The following IL1RAPL2 variants were observed in gnomAD, a reference collection of about 807,000 sequenced individuals.
IL1RAPL2 encodes the protein interleukin 1 receptor accessory protein like 2, also known as X-linked interleukin-1 receptor accessory protein-like 2.
Under a neutral mutation model 44.1 loss-of-function variants are expected in IL1RAPL2, and 3 were observed. The ratio of observed to expected loss-of-function variants is 0.07; its 90% confidence interval spans 0.03 to 0.18. The LOEUF (loss-of-function observed/expected upper bound fraction) is 0.18. Ranked by LOEUF, IL1RAPL2 falls within the 10% of genes least tolerant of loss-of-function variation. The pLI, the probability that IL1RAPL2 is intolerant of heterozygous loss-of-function variation, is 1.00. For missense variants in IL1RAPL2, 391 were observed against 496.4 expected (o/e 0.79, Z 2.02); for synonymous variants, 181 against 178.8 (o/e 1.01, Z -0.10).
At chrX:105,073,861 A>G (rs1291709602) in intron 2 of IL1RAPL2, among the ~76,000 whole-genome samples, 4 of 111,236 alleles carry the variant, frequency 3.6e-5, no homozygotes, top group Admixed American at 9.6e-5. Flanking sequence ...GTCTGTTCAT[A>G]TCCTTTGCCC....
At chrX:105,065,297 G>A (rs1347079576) in intron 2 of IL1RAPL2, among the ~76,000 whole-genome samples, 1 of 111,662 alleles carries the variant, frequency 9.0e-6, no homozygotes, top group East Asian at 2.8e-4. Context: ...TCTTGGATGG[G>A]TTTTGCTGAC....
At chrX:105,241,606 A>T (rs2034171156) in intron 4 of IL1RAPL2, among the ~76,000 whole-genome samples, 1 of 111,920 alleles carries the variant, frequency 8.9e-6, no homozygotes, top group African/African-American at 3.2e-5. Context: ...GATTCACATA[A>T]ATCTTTTATA....
At chrX:104,587,958 T>A (rs894722309) in intron 1 of IL1RAPL2, among the ~76,000 whole-genome samples, 1 of 111,830 alleles carries the variant, frequency 8.9e-6, no homozygotes, top group Non-Finnish European at 1.9e-5. Flanking sequence ...ATGGGCCTGG[T>A]GATTTTTTTT....
chrX:105,277,143 C>T (rs1445982291), intron 5 of IL1RAPL2, among the ~76,000 whole-genome samples: 1 of 112,014 alleles, frequency 8.9e-6, no homozygotes, highest in Non-Finnish European at 1.9e-5. Context: ...GGGAACAAAT[C>T]ATTGGCATAT....
intron 10 of IL1RAPL2, among the ~76,000 whole-genome samples, chrX:105,764,069 G>A (rs1339718441): frequency 9.0e-6 from 1 of 111,211 alleles, no homozygotes; most frequent in Non-Finnish European, 1.9e-5. Flanking sequence ...TTATCTGGAT[G>A]GTTGCCTCAA....
chrX:105,648,394 T>C (rs765462149), intron 6 of IL1RAPL2, among the ~76,000 whole-genome samples: 5 of 111,495 alleles, frequency 4.5e-5, no homozygotes, highest in African/African-American at 1.6e-4. Context: ...TTTCTGCAGG[T>C]TGTCTCAGGC....
At chrX:105,492,920 C>T (rs760106241) in intron 6 of IL1RAPL2, among the ~76,000 whole-genome samples, 4 of 110,857 alleles carry the variant, frequency 3.6e-5, no homozygotes, top group Non-Finnish European at 5.7e-5. Flanking sequence ...GACAGTCACT[C>T]CTCAGTCCCT....
At chrX:105,019,753 A>G (rs2031251780) in intron 2 of IL1RAPL2, among the ~76,000 whole-genome samples, 1 of 111,616 alleles carries the variant, frequency 9.0e-6, no homozygotes, top group Non-Finnish European at 1.9e-5. Context: ...TCAACTGTTC[A>G]TTTTTAACTA....
At chrX:105,620,319 A>G (rs190632534) in intron 6 of IL1RAPL2, among the ~76,000 whole-genome samples, 4 of 111,167 alleles carry the variant, frequency 3.6e-5, no homozygotes, top group Admixed American at 1.9e-4. Flanking sequence ...AGGTTCAGGG[A>G]AGTGAAGCAA....
intron 2 of IL1RAPL2, among the ~76,000 whole-genome samples, chrX:105,168,888 A>C (rs2033396504): frequency 9.0e-6 from 1 of 110,879 alleles, no homozygotes; most frequent in Non-Finnish European, 1.9e-5. Context: ...ATAATGTTTG[A>C]CCAAATAGCT....
intron 5 of IL1RAPL2, among the ~76,000 whole-genome samples, chrX:105,418,725 A>G (rs2035752613): frequency 8.9e-6 from 1 of 111,804 alleles, no homozygotes; most frequent in South Asian, 3.7e-4. Context: ...TAATCCCAAG[A>G]TGTACATGGG....
At chrX:104,714,128 C>T (rs777251505) in intron 2 of IL1RAPL2, among the ~76,000 whole-genome samples, 1 of 110,604 alleles carries the variant, frequency 9.0e-6, no homozygotes, top group South Asian at 3.8e-4. Flanking sequence ...TGCCTGACTG[C>T]CCTGGCCAGA....
At chrX:104,931,947 A>AGTGTGTGTGTGT (rs34524314) in intron 2 of IL1RAPL2, among the ~76,000 whole-genome samples, 2 of 89,014 alleles carry the variant, frequency 2.2e-5, no homozygotes, top group South Asian at 6.4e-4. Flanking sequence ...GGAAACTATG[A>AGTGTGTGTGTGT]GTGTGTGTGT....
At chrX:105,644,585 ATTC>A (rs201009196) in intron 6 of IL1RAPL2, among the ~76,000 whole-genome samples, 4,968 of 110,680 alleles carry the variant, frequency 0.045, 138 homozygotes, top group Non-Finnish European at 0.072. Context: ...TTCTACTGTT[ATTC>A]TTCAAGTTCT....
intron 2 of IL1RAPL2, among the ~76,000 whole-genome samples, chrX:104,899,394 CA>C (rs756470275): frequency 3.6e-4 from 40 of 111,464 alleles, no homozygotes; most frequent in Non-Finnish European, 6.8e-4. Flanking sequence ...TTTTCAAACT[CA>C]AAAAGTTGTT....
At chrX:105,167,636 C>G (rs1018015061) in intron 2 of IL1RAPL2, among the ~76,000 whole-genome samples, 1 of 84,538 alleles carries the variant, frequency 1.2e-5, no homozygotes, top group Admixed American at 1.4e-4. Context: ...CCCACCCCCC[C>G]ACATACCCAC....
intron 6 of IL1RAPL2, among the ~76,000 whole-genome samples, chrX:105,501,897 A>G (rs1014133972): frequency 8.9e-6 from 1 of 111,773 alleles, no homozygotes; most frequent in Non-Finnish European, 1.9e-5. Flanking sequence ...TTTAGGTTCC[A>G]GAACAGAAAG....
chrX:105,735,730 T>G (rs1221060565), intron 7 of IL1RAPL2, among the ~76,000 whole-genome samples: 1 of 111,587 alleles, frequency 9.0e-6, no homozygotes, highest in Non-Finnish European at 1.9e-5. Context: ...GTCTCCTCAT[T>G]TAAATTTTAA....
chrX:105,369,556 T>C (rs1251264807), intron 5 of IL1RAPL2, among the ~76,000 whole-genome samples: 3 of 111,792 alleles, frequency 2.7e-5, no homozygotes, highest in African/African-American at 9.7e-5. Context: ...TCACATTTAT[T>C]CTGCCGTAAC....
Sources: allele counts gnomAD v4.1 joint callset (sites outside exome capture counted in the v4.1 genomes callset), GRCh38; gene constraint gnomAD v4.1.1; transcripts MANE v1.5; gene names NCBI Gene and HGNC (gene_info 2026-07-23, HGNC 2026-07-21).